Variants in EDEM2 observed in about 807,000 individuals in gnomAD.
EDEM2 encodes the protein ER degradation enhancing alpha-mannosidase like protein 2.
EDEM2 carries 39 observed loss-of-function variants against 64.8 expected under a neutral mutation model. The observed-to-expected ratio is 0.60, with a 90% CI of 0.47 to 0.79. The LOEUF (loss-of-function observed/expected upper bound fraction) is 0.79, where lower values mean the gene tolerates loss of function less well. Among genes scored for constraint, EDEM2 ranks in the 30% least tolerant of loss-of-function variants. The probability of loss-of-function intolerance (pLI) is 0.00; values close to 1 mark genes in which losing one functional copy is unlikely to be tolerated. For missense variants in EDEM2, 609 were observed against 731.3 expected (o/e 0.83, Z 1.93); for synonymous variants, 296 against 291.5 (o/e 1.02, Z -0.16).
At chr20:35,139,151 C>T (rs1026558241) in intron 4 of EDEM2, among the ~76,000 whole-genome samples, 19 of 151,900 alleles carry the variant, frequency 1.3e-4, no homozygotes, top group African/African-American at 4.4e-4. Flanking sequence ...GAGATGGAGA[C>T]CATCCCGGCT....
At chr20:35,138,109 C>T (rs2085602825) in intron 4 of EDEM2, 104 bp from the exon 5 acceptor site, 25 of 1,451,868 alleles carry the variant, frequency 1.7e-5, no homozygotes, top group Middle Eastern at 1.8e-4. Context: ...TATTGTGGGG[C>T]GCATGTTCTC....
intron 1 of EDEM2, 32 bp downstream of exon 1, chr20:35,147,120 C>A: frequency 6.3e-7 from 1 of 1,592,198 alleles, no homozygotes; most frequent in South Asian, 1.1e-5. Context: ...GCTTCCCATT[C>A]CCCAACTGCG....
In EDEM2 at chr20:35,138,119, C is replaced by G; in HGVS notation, c.365-114G>C. 2.9e-6 allele frequency: 4 copies of G among 1,376,218 alleles called. No individual in the cohort carries two copies. In the South Asian group the frequency reaches 5.6e-5, roughly 19 times the overall value. The allele number at this position is 1,376,218 out of a possible 1,614,324, so 85.3% of individuals were successfully genotyped here. ...CACTCTATTGTGGGGCGCATGTTCT[C>G]AGGACCTCCTGAAGCTATTTCACGG... On this transcript the variant is annotated intron_variant, in intron 4 of 10. Transcript: ENST00000374492.
At chr20:35,123,677 C>T (rs1358009997) in intron 9 of EDEM2, among the ~76,000 whole-genome samples, 6 of 152,160 alleles carry the variant, frequency 3.9e-5, no homozygotes, top group Admixed American at 1.3e-4. Flanking sequence ...GAGCCAGAGG[C>T]GAGCCATTTC....
At chr20:35,127,736 C>T (rs932332946) in intron 7 of EDEM2, among the ~76,000 whole-genome samples, 1 of 152,132 alleles carries the variant, frequency 6.6e-6, no homozygotes, top group Non-Finnish European at 1.5e-5. Flanking sequence ...GAATACGTTC[C>T]AAGACCCTCA....
At chr20:35,135,037 G>T in intron 5 of EDEM2, 88 bp from the exon 6 acceptor site, 1 of 1,284,922 alleles carries the variant, frequency 7.8e-7, no homozygotes, top group Non-Finnish European at 1.1e-6. Context: ...ACCTTAGCCA[G>T]CACTTCCCTC....
At chr20:35,144,716 CAT>C (rs1022547143) in intron 3 of EDEM2, among the ~76,000 whole-genome samples, 1 of 152,148 alleles carries the variant, frequency 6.6e-6, no homozygotes, top group African/African-American at 2.4e-5. Flanking sequence ...CTGTATCCCC[CAT>C]AGAGCTATGC....
At position 35,126,357 on chromosome 20, in the gene EDEM2, C is replaced by T. The variant is rs979874975; in HGVS notation, c.863G>A (p.Arg288Gln). The change falls in exon 8 of 11, where the codon CGG becomes CAG. Residue 288 changes from arginine (R) to glutamine (Q), a missense_variant. Physicochemically the swap from Arg to Gln is conservative, Grantham distance 43 (BLOSUM62 1). Transcript: ENST00000374492. ...CCAGTCATCGAAGCGGGTGTAGTTC[C>T]GGATGGCTTTGTTATACTCTGCAGT... is the stretch of plus-strand genomic sequence containing the variant. ...AMFLEYNKAI[R>Q]NYTRFDDWYL... 2.5e-6 allele frequency: 4 copies of T among 1,613,634 alleles called. No individual in the cohort carries two copies. The highest frequency in any genetic ancestry group is 2.5e-6 in the Non-Finnish European group (3 of 1,179,968).
intron 2 of EDEM2, among the ~76,000 whole-genome samples, chr20:35,145,686 C>T (rs1232166899): frequency 2.0e-5 from 3 of 152,256 alleles, no homozygotes; most frequent in African/African-American, 7.2e-5. Flanking sequence ...AGAAGTGTTT[C>T]ATATCTTGAC....
intron 9 of EDEM2, 93 bp from the exon 10 acceptor site, chr20:35,118,812 T>C: frequency 6.5e-7 from 1 of 1,545,948 alleles, no homozygotes; most frequent in Non-Finnish European, 8.7e-7. Context: ...CCCCTCCATA[T>C]CTTGTCCATA....
At chr20:35,145,377 G>A (rs2050652) in intron 2 of EDEM2, among the ~76,000 whole-genome samples, 27,001 of 152,130 alleles carry the variant, frequency 0.18, 2,939 homozygotes, top group East Asian at 0.26. Flanking sequence ...AGTGTTCATG[G>A]CAGTATTGCT....
intron 10 of EDEM2, among the ~76,000 whole-genome samples, chr20:35,118,029 C>T (rs1038310871): frequency 3.3e-5 from 5 of 152,144 alleles, no homozygotes; most frequent in African/African-American, 9.7e-5. Context: ...TTGCTTGCTC[C>T]GCTCCAGCCA....
chr20:35,127,804 T>C (rs1250035365), intron 7 of EDEM2, among the ~76,000 whole-genome samples: 1 of 152,196 alleles, frequency 6.6e-6, no homozygotes, highest in African/African-American at 2.4e-5. Flanking sequence ...TCATGTGCCA[T>C]ATAACAACAT....
chr20:35,141,809 G>A (rs1175583239), intron 4 of EDEM2, among the ~76,000 whole-genome samples: 15 of 151,748 alleles, frequency 9.9e-5, no homozygotes, highest in African/African-American at 3.7e-4. Context: ...GTTCCTATGG[G>A]CTGCCAAGTT....
intron 5 of EDEM2, 30 bp downstream of exon 5, chr20:35,137,850 G>A (rs760311758): frequency 1.2e-5 from 20 of 1,609,072 alleles, no homozygotes; most frequent in African/African-American, 1.1e-4. Flanking sequence ...ACTGGACTTC[G>A]TCTCTGCCCC....
rs564066702 is a variant in EDEM2 at position 35,145,560 on chromosome 20, T to C, written c.219-542A>G. Reference sequence around the variant, plus strand: ...TAATGAAAAAGTCAGGGTGGTTTAGTATGTTTCCATCTGTTTCAAAAAGAC... The same window carrying C: ...TAATGAAAAAGTCAGGGTGGTTTAGCATGTTTCCATCTGTTTCAAAAAGAC... On this transcript the variant is annotated intron_variant, in intron 2 of 10. Transcript: ENST00000374492. Among the ~76,000 whole-genome samples, 503 of 152,352 alleles carry C rather than the reference T, an allele frequency of 3.3e-3. 4 individuals are homozygous for C. The highest frequency in any genetic ancestry group is 0.012 in the African/African-American group (489 of 41,580).
At chr20:35,118,168 A>G (rs1207934313) in intron 10 of EDEM2, among the ~76,000 whole-genome samples, 1 of 152,210 alleles carries the variant, frequency 6.6e-6, no homozygotes, top group African/African-American at 2.4e-5. Flanking sequence ...AAGACATTCA[A>G]GAAATATCTG....
intron 8 of EDEM2, among the ~76,000 whole-genome samples, chr20:35,124,640 T>C (rs1439470109): frequency 6.6e-6 from 1 of 152,176 alleles, no homozygotes; most frequent in Non-Finnish European, 1.5e-5. Flanking sequence ...AGTGCTGGGA[T>C]TACAACCATC....
In EDEM2 at chr20:35,145,044, G is replaced by A. The variant is rs143044157; in HGVS notation, c.219-26C>T. The A allele has an allele frequency of 2.9e-4, 461 of 1,613,034 alleles. 6 individuals are homozygous for A. The East Asian group carries it at 7.6e-3, about 27-fold the overall frequency. Reference sequence around the variant, plus strand: ...CTGCAAAAGGACAGAAATCCCAGCCGCTTAGTAAGAAAATCAAATACCAGA... The same window carrying A: ...CTGCAAAAGGACAGAAATCCCAGCCACTTAGTAAGAAAATCAAATACCAGA... On this transcript the variant is annotated intron_variant, in intron 2 of 10. Coordinates refer to ENST00000374492, the MANE Select transcript of EDEM2 (RefSeq NM_018217.3).
Sources: gnomAD v4.1 joint callset for allele counts (sites outside exome capture counted in the v4.1 genomes callset) on GRCh38, gnomAD v4.1.1 for gene constraint, MANE v1.5 for transcripts, NCBI Gene and HGNC (gene_info 2026-07-23, HGNC 2026-07-21) for gene names.